Variants in RORA observed in about 807,000 individuals in gnomAD.
RORA encodes the protein nuclear receptor ROR-alpha.
RORA carries 7 observed loss-of-function variants against 69.5 expected under a neutral mutation model. The ratio of observed to expected loss-of-function variants is 0.10; its 90% CI spans 0.06 to 0.19. The LOEUF (loss-of-function observed/expected upper bound fraction) is 0.19, where lower values mean the gene tolerates loss of function less well. RORA is among the 10% of genes least tolerant of loss of function. The pLI is 1.00. For missense variants in RORA, 457 were observed against 663.0 expected (o/e 0.69, Z 3.41); for synonymous variants, 261 against 240.8 (o/e 1.08, Z -0.78).
intron 1 of RORA, among the ~76,000 whole-genome samples, chr15:61,015,893 A>C (rs770118364): frequency 6.6e-6 from 1 of 152,242 alleles, no homozygotes; most frequent in Non-Finnish European, 1.5e-5. Context: ...CTTGGACCTC[A>C]GAATTCCTCC....
intron 1 of RORA, among the ~76,000 whole-genome samples, chr15:60,791,462 C>A (rs1309314635): frequency 6.6e-6 from 1 of 152,190 alleles, no homozygotes; most frequent in Non-Finnish European, 1.5e-5. Context: ...GAAACATGAA[C>A]CTTCACCAAG....
chr15:60,572,830 G>A (rs1228392671), intron 2 of RORA, among the ~76,000 whole-genome samples: 2 of 152,132 alleles, frequency 1.3e-5, no homozygotes, highest in Non-Finnish European at 2.9e-5. Flanking sequence ...AGCTGGCAAC[G>A]AATACTTCTT....
intron 1 of RORA, among the ~76,000 whole-genome samples, chr15:60,913,888 C>T (rs561646143): frequency 6.6e-6 from 1 of 152,270 alleles, no homozygotes; most frequent in Middle Eastern, 3.4e-3. Context: ...CTCATAGTTC[C>T]CTCCAAACAA....
intron 1 of RORA, among the ~76,000 whole-genome samples, chr15:60,777,002 T>C (rs34986765): frequency 0.17 from 25,640 of 152,208 alleles, 2,253 homozygotes; most frequent in South Asian, 0.26. Context: ...TTTATCTTCA[T>C]TGATATATCT....
intron 1 of RORA, among the ~76,000 whole-genome samples, chr15:60,792,806 A>C (rs341436): frequency 9.7e-4 from 147 of 152,306 alleles, no homozygotes; most frequent in African/African-American, 3.5e-3. Context: ...AATGACACCA[A>C]ATGGTAACTC....
intron 1 of RORA, among the ~76,000 whole-genome samples, chr15:60,813,440 G>GTATC (rs750741102): frequency 0.064 from 9,766 of 152,276 alleles, 412 homozygotes; most frequent in African/African-American, 0.094. Context: ...TGAAATCTGT[G>GTATC]TGCTTAGCTC....
chr15:60,896,031 C>T (rs1392733080), intron 1 of RORA, among the ~76,000 whole-genome samples: 1 of 152,202 alleles, frequency 6.6e-6, no homozygotes, highest in Non-Finnish European at 1.5e-5. Context: ...TATTCATTCT[C>T]TTATAATCAT....
intron 1 of RORA, among the ~76,000 whole-genome samples, chr15:61,164,848 G>A (rs545630294): frequency 2.6e-5 from 4 of 152,286 alleles, no homozygotes; most frequent in African/African-American, 9.6e-5. Context: ...AAATGTTCCA[G>A]GTAATTAGAG....
chr15:60,547,483 C>T (rs1006106255), intron 2 of RORA, among the ~76,000 whole-genome samples: 16 of 152,030 alleles, frequency 1.1e-4, no homozygotes, highest in East Asian at 1.9e-4. Flanking sequence ...CCCACCACCA[C>T]GTCTGGGTAA....
intron 1 of RORA, among the ~76,000 whole-genome samples, chr15:61,074,406 C>A (rs1047393707): frequency 6.6e-6 from 1 of 152,170 alleles, no homozygotes; most frequent in Non-Finnish European, 1.5e-5. Flanking sequence ...CCCGCAGTAG[C>A]CAACAATCCA....
Position 60,837,051 on chromosome 15 carries a change from T to C in RORA, c.167-158365A>G, listed in dbSNP as rs113636287. ...TCATACCTTGACCTTTTTTTTTTTT[T>C]TGTAGATATGGGGTCTTGCTAAGTT... On this transcript the variant is annotated intron_variant, in intron 1 of 10. Transcript: ENST00000335670. Among the ~76,000 whole-genome samples, 932 of 151,770 alleles carry C rather than the reference T, an allele frequency of 6.1e-3. 14 individuals are homozygous for C. The highest frequency in any genetic ancestry group is 0.022 in the African/African-American group (896 of 41,384).
intron 1 of RORA, among the ~76,000 whole-genome samples, chr15:60,760,563 C>T (rs1276306764): frequency 6.6e-6 from 1 of 152,096 alleles, no homozygotes; most frequent in Non-Finnish European, 1.5e-5. Flanking sequence ...TTCCTTTGTA[C>T]AGGCACCGTA....
chr15:61,154,934 T>C (rs1022655733), intron 1 of RORA, among the ~76,000 whole-genome samples: 3 of 152,204 alleles, frequency 2.0e-5, no homozygotes, highest in African/African-American at 7.2e-5. Context: ...GAGTATTTCT[T>C]TGGGCACAGA....
intron 1 of RORA, among the ~76,000 whole-genome samples, chr15:60,927,582 A>G (rs56241653): frequency 0.22 from 33,374 of 151,924 alleles, 4,708 homozygotes; most frequent in Non-Finnish European, 0.31. Context: ...AGTCCAGCCT[A>G]GCCAACATGG....
At chr15:60,926,041 G>A (rs1191056463) in intron 1 of RORA, among the ~76,000 whole-genome samples, 2 of 152,222 alleles carry the variant, frequency 1.3e-5, no homozygotes, top group East Asian at 3.8e-4. Flanking sequence ...TAGATTGAAT[G>A]AGAACTGCTC....
chr15:61,117,194 T>TTTTTA (rs762452270), intron 1 of RORA, among the ~76,000 whole-genome samples: 3 of 150,798 alleles, frequency 2.0e-5, no homozygotes, highest in African/African-American at 2.4e-5. Flanking sequence ...TTTTTTTTTT[T>TTTTTA]AACATAAACT....
At chr15:61,091,863 T>C (rs1178787802) in intron 1 of RORA, among the ~76,000 whole-genome samples, 2 of 152,228 alleles carry the variant, frequency 1.3e-5, no homozygotes, top group Non-Finnish European at 2.9e-5. Flanking sequence ...GATTTGTTCC[T>C]ACAAGGGTAT....
At chr15:60,721,297 C>T (rs534437198) in intron 1 of RORA, among the ~76,000 whole-genome samples, 5 of 152,258 alleles carry the variant, frequency 3.3e-5, no homozygotes, top group South Asian at 2.1e-4. Context: ...GATCAGAAAA[C>T]AGTTTTGTTA....
At chr15:61,138,397 G>A (rs2079264778) in intron 1 of RORA, among the ~76,000 whole-genome samples, 2 of 152,122 alleles carry the variant, frequency 1.3e-5, no homozygotes, top group South Asian at 4.1e-4. Flanking sequence ...AATATTCGGA[G>A]AGCAGACTTC....
Sources: gnomAD v4.1 joint callset for allele counts (sites outside exome capture counted in the v4.1 genomes callset) on GRCh38, gnomAD v4.1.1 for gene constraint, MANE v1.5 for transcripts, NCBI Gene and HGNC (gene_info 2026-07-23, HGNC 2026-07-21) for gene names.